Variants in WSCD2 observed in about 807,000 individuals in gnomAD.
The protein encoded by WSCD2 is WSC domain sialate O sulfotransferase 2.
In WSCD2, 28 loss-of-function variants were observed where a neutral mutation model predicts 55.7. That is an observed-to-expected ratio of 0.50 (90% CI 0.37 to 0.69). The LOEUF (loss-of-function observed/expected upper bound fraction) is 0.69. WSCD2 is among the 30% of genes least tolerant of loss of function. The pLI, the probability that WSCD2 is intolerant of heterozygous loss-of-function variation, is 0.00. For missense variants in WSCD2, 616 were observed against 762.1 expected (o/e 0.81, Z 2.26); for synonymous variants, 301 against 301.9 (o/e 1.00, Z 0.03).
chr12:108,201,822 T>A (rs1344216434), intron 2 of WSCD2, among the ~76,000 whole-genome samples: 2 of 152,100 alleles, frequency 1.3e-5, no homozygotes, highest in East Asian at 3.9e-4. Context: ...AAAGATTAAT[T>A]GTAGCAAAAG....
At chr12:108,135,993 G>A (rs1346809779) in intron 1 of WSCD2, among the ~76,000 whole-genome samples, 1 of 152,204 alleles carries the variant, frequency 6.6e-6, no homozygotes, top group Admixed American at 6.5e-5. Flanking sequence ...TGACCCATGA[G>A]CTAAAAATCT....
At chr12:108,242,287 G>A (rs1308047109) in intron 8 of WSCD2, among the ~76,000 whole-genome samples, 2 of 152,242 alleles carry the variant, frequency 1.3e-5, no homozygotes, top group African/African-American at 2.4e-5. Flanking sequence ...CCTCTTCTCA[G>A]TGAGGGGGTG....
intron 1 of WSCD2, among the ~76,000 whole-genome samples, chr12:108,146,769 G>T (rs981323539): frequency 6.6e-6 from 1 of 152,188 alleles, no homozygotes; most frequent in Non-Finnish European, 1.5e-5. Context: ...TTTCTGCACA[G>T]ACTGACAGGT....
intron 4 of WSCD2, among the ~76,000 whole-genome samples, chr12:108,212,570 C>T (rs756498369): frequency 5.3e-5 from 8 of 150,758 alleles, no homozygotes; most frequent in South Asian, 2.1e-4. Context: ...CTCTCTCTTC[C>T]GCTGTCTCTC....
At chr12:108,233,082 C>G in intron 7 of WSCD2, 187 bp downstream of exon 7, 1 of 702,530 alleles carries the variant, frequency 1.4e-6, no homozygotes, top group South Asian at 2.0e-5. Context: ...ACAAACATTT[C>G]TTAAGTCATG....
intron 1 of WSCD2, among the ~76,000 whole-genome samples, chr12:108,185,299 T>C (rs1268241747): frequency 6.6e-6 from 1 of 152,172 alleles, no homozygotes; most frequent in Non-Finnish European, 1.5e-5. Context: ...CCGGTCACAC[T>C]GCAGTTCAAG....
At chr12:108,193,612 G>GATGC (rs998576822) in intron 1 of WSCD2, among the ~76,000 whole-genome samples, 2 of 151,616 alleles carry the variant, frequency 1.3e-5, no homozygotes. Context: ...TGGATGGATG[G>GATGC]ATGGATAGAT....
rs571167634 is a variant in WSCD2 at position 108,248,451 on chromosome 12, C to G, written c.*108C>G. ...ATCTGTCCTCTCTTTGGTCTGGGGA[C>G]AATCCCCTTGGCTGCTCTTTGCCTT... On this transcript the variant is annotated 3_prime_UTR_variant, in exon 9 of 9. Coordinates refer to ENST00000547525, the MANE Select transcript of WSCD2 (RefSeq NM_014653.4). The surrounding 1 kb of genome is among the most constrained non-coding windows in gnomAD (Gnocchi z 4.3). The G allele has an allele frequency of 1.8e-5, 27 of 1,459,540 alleles. No homozygotes were observed. Among genetic ancestry groups the G allele is most frequent in the Middle Eastern group, 2.3e-4 (1 of 4,310 alleles). 90.4% of individuals were successfully genotyped at this position (1,459,540 alleles called of 1,614,324 possible).
At chr12:108,149,871 C>T (rs781352150) in intron 1 of WSCD2, 4 of 152,188 alleles carry the variant, frequency 2.6e-5, no homozygotes, top group Admixed American at 6.5e-5. Context: ...ACATCACGTA[C>T]ACTGGCTCAT....
At chr12:108,135,044 G>T (rs1486213777) in intron 1 of WSCD2, among the ~76,000 whole-genome samples, 1 of 152,168 alleles carries the variant, frequency 6.6e-6, no homozygotes, top group Non-Finnish European at 1.5e-5. Context: ...TCACCTGGAG[G>T]TTTGGTTCGC....
At chr12:108,174,542 AATGAACAC>A (rs1042445981) in intron 1 of WSCD2, among the ~76,000 whole-genome samples, 3 of 152,184 alleles carry the variant, frequency 2.0e-5, no homozygotes, top group South Asian at 2.1e-4. Context: ...CAAGAAAGCT[AATGAACAC>A]TGGGTCATGC....
rs943231662 is a variant in WSCD2 at position 108,222,966 on chromosome 12, G to A, written c.683-1773G>A. On this transcript the variant is annotated intron_variant, in intron 4 of 8. Coordinates refer to ENST00000547525, the MANE Select transcript of WSCD2 (RefSeq NM_014653.4). ...TAAGGAAATTGGCTTACGCAATTGC[G>A]GGAGCTGGCAAGTCCGAAATTCATA... Among the ~76,000 whole-genome samples the A allele has an allele frequency of 1.3e-4, 20 of 152,206 alleles. No homozygotes were observed. The East Asian group carries it at 3.1e-3, about 23-fold the overall frequency.
At chr12:108,234,541 T>G (rs1245611330) in intron 7 of WSCD2, among the ~76,000 whole-genome samples, 1 of 152,244 alleles carries the variant, frequency 6.6e-6, no homozygotes, top group African/African-American at 2.4e-5. Context: ...TGAGGCTCCA[T>G]GCTGAGGGTA....
chr12:108,233,043 T>C, intron 7 of WSCD2, 148 bp downstream of exon 7: 1 of 1,047,064 alleles, frequency 9.6e-7, no homozygotes, highest in East Asian at 2.6e-5. Context: ...ACTGCATGCT[T>C]GGTACCCCCC....
intron 1 of WSCD2, among the ~76,000 whole-genome samples, chr12:108,135,146 GTCCATCCATCCA>G (rs879662718): frequency 6.7e-6 from 1 of 149,306 alleles, no homozygotes; most frequent in Admixed American, 6.6e-5. Context: ...CCGTCCATCC[GTCCATCCATCCA>G]TCCATCCATC....
chr12:108,147,638 A>G (rs1819743661), intron 1 of WSCD2, among the ~76,000 whole-genome samples: 1 of 152,062 alleles, frequency 6.6e-6, no homozygotes. Flanking sequence ...GCACTTTGGG[A>G]GGCTGAGGCA....
chr12:108,173,004 C>G (rs1880391086), intron 1 of WSCD2, among the ~76,000 whole-genome samples: 1 of 152,098 alleles, frequency 6.6e-6, no homozygotes, highest in African/African-American at 2.4e-5. Flanking sequence ...GCCCCTTCCC[C>G]CTCTCTGCCA....
intron 1 of WSCD2, among the ~76,000 whole-genome samples, chr12:108,156,591 T>A (rs1231751750): frequency 6.6e-6 from 1 of 152,222 alleles, no homozygotes; most frequent in African/African-American, 2.4e-5. Flanking sequence ...TCTGGCAGAT[T>A]GCTGATTTCT....
At chr12:108,206,208 A>C in intron 2 of WSCD2, 81 bp from the exon 3 acceptor site, 31 of 1,146,064 alleles carry the variant, frequency 2.7e-5, no homozygotes, top group Non-Finnish European at 3.8e-5. Context: ...TCACATAACC[A>C]GAGACACATT....
Sources: allele counts gnomAD v4.1 joint callset (sites outside exome capture counted in the v4.1 genomes callset), GRCh38; gene constraint gnomAD v4.1.1; non-coding constraint Gnocchi (gnomAD v3.1); transcripts MANE v1.5; gene names NCBI Gene and HGNC (gene_info 2026-07-23, HGNC 2026-07-21).